MELK: variants seen among roughly 807,000 people sequenced by gnomAD.
The protein encoded by MELK is pEg3 kinase.
Under a neutral mutation model 85.0 loss-of-function variants are expected in MELK, and 81 were observed. The observed-to-expected ratio is 0.95, with a 90% CI of 0.80 to 1.15. MELK has a LOEUF of 1.15. Among genes scored for constraint, MELK ranks in the 50% most tolerant of loss-of-function variants. The probability of loss-of-function intolerance (pLI) is 0.00; values close to 1 mark genes in which losing one functional copy is unlikely to be tolerated. For synonymous variants in MELK, 252 were observed against 265.0 expected (o/e 0.95, Z 0.48); for missense variants, 754 against 777.5 (o/e 0.97, Z 0.36).
intron 4 of MELK, among the ~76,000 whole-genome samples, chr9:36,592,039 TG>T (rs1467854472): frequency 1.3e-5 from 2 of 152,138 alleles, no homozygotes; most frequent in Non-Finnish European, 2.9e-5. Flanking sequence ...TTAATAGAAA[TG>T]GGGGTCTTGG....
intron 10 of MELK, 72 bp downstream of exon 10, chr9:36,633,272 A>G (rs2136571290): frequency 2.0e-6 from 2 of 1,016,500 alleles, no homozygotes; most frequent in Non-Finnish European, 3.0e-6. Context: ...AGAACCTACA[A>G]TGATGTGGTC....
At chr9:36,635,211 T>G (rs185291397) in intron 10 of MELK, among the ~76,000 whole-genome samples, 3 of 152,208 alleles carry the variant, frequency 2.0e-5, no homozygotes, top group Non-Finnish European at 4.4e-5. Flanking sequence ...TAGTACAGTT[T>G]GGTGCCACTG....
At position 36,601,027 on chromosome 9, in the gene MELK, T is replaced by A. The variant is rs570054746; in HGVS notation, c.567+1541T>A. ...CTCTATGTTTATATATATGCATGTTTTTTTTTGAATCATTTGAGAGTTAGC... is the reference window on the plus strand; with the variant it reads ...CTCTATGTTTATATATATGCATGTTATTTTTTGAATCATTTGAGAGTTAGC... On this transcript the variant is annotated intron_variant, in intron 7 of 17. Transcript: ENST00000298048. Among the ~76,000 whole-genome samples the A allele has an allele frequency of 6.0e-4, 91 of 152,306 alleles. 1 individual carries two copies. The highest frequency in any genetic ancestry group is 2.0e-3 in the African/African-American group (85 of 41,590).
At position 36,665,428 on chromosome 9, in the gene MELK, A is replaced by C; in HGVS notation, c.1255A>C (p.Lys419Gln). The C allele has an allele frequency of 6.2e-7, 1 of 1,613,678 alleles. No homozygotes were observed. The highest frequency in any genetic ancestry group is 8.5e-7 in the Non-Finnish European group (1 of 1,179,672). The change falls in exon 14 of 18, where the codon AAA becomes CAA. Residue 419 changes from lysine to glutamine, a missense_variant. Lys to Gln is a moderately conservative substitution (Grantham distance 53). Transcript: ENST00000298048. ...TPALCRTPAN[K>Q]LKNKENVYTP... ...AGCCTTATGCAGAACACCTGCAAATAAATTAAAGAACAAAGAAAATGTATA... is the reference window on the plus strand; with the variant it reads ...AGCCTTATGCAGAACACCTGCAAATCAATTAAAGAACAAAGAAAATGTATA...
chr9:36,663,073 C>T, intron 13 of MELK, among the ~76,000 whole-genome samples: 2 of 150,198 alleles, frequency 1.3e-5, no homozygotes, highest in Non-Finnish European at 1.5e-5. Flanking sequence ...TCTCCTTTTC[C>T]TTGTTTCTTT....
At chr9:36,574,572 C>T (rs1184173109) in intron 1 of MELK, among the ~76,000 whole-genome samples, 1 of 151,920 alleles carries the variant, frequency 6.6e-6, no homozygotes, top group African/African-American at 2.4e-5. Context: ...TACTGCACTC[C>T]AGCCTAGGTG....
At chr9:36,590,508 G>A (rs924721790) in intron 4 of MELK, among the ~76,000 whole-genome samples, 21 of 152,140 alleles carry the variant, frequency 1.4e-4, no homozygotes, top group African/African-American at 5.1e-4. Context: ...TCCTCTCTGT[G>A]TAGCTGTGTC....
At chr9:36,656,945 CATAA>C in intron 12 of MELK, among the ~76,000 whole-genome samples, 1 of 152,210 alleles carries the variant, frequency 6.6e-6, no homozygotes, top group Admixed American at 6.5e-5. Context: ...TGTTTAGATA[CATAA>C]ATACTTATTG....
At chr9:36,606,950 A>G (rs1825624092) in intron 7 of MELK, 1 of 151,894 alleles carries the variant, frequency 6.6e-6, no homozygotes, top group Non-Finnish European at 1.5e-5. Flanking sequence ...ATGCCCGGCT[A>G]ATTTTTGTAG....
chr9:36,659,115 T>A (rs527721266), intron 13 of MELK, among the ~76,000 whole-genome samples: 1 of 152,206 alleles, frequency 6.6e-6, no homozygotes, highest in East Asian at 1.9e-4. Context: ...TCTCCTGACC[T>A]TGTGATCCGC....
At chr9:36,662,347 G>GCC (rs1389018277) in intron 13 of MELK, among the ~76,000 whole-genome samples, 45 of 151,174 alleles carry the variant, frequency 3.0e-4, no homozygotes, top group African/African-American at 1.0e-3. Flanking sequence ...GGGTTCAAGT[G>GCC]ATTCTCCTGC....
chr9:36,651,284 C>T (rs144576392), intron 11 of MELK, among the ~76,000 whole-genome samples: 23 of 152,262 alleles, frequency 1.5e-4, no homozygotes, highest in African/African-American at 5.3e-4. Context: ...TGAACATTAT[C>T]CCTACTTAGT....
intron 4 of MELK, among the ~76,000 whole-genome samples, chr9:36,591,825 A>C (rs956658435): frequency 2.6e-5 from 4 of 151,904 alleles, no homozygotes; most frequent in African/African-American, 9.7e-5. Flanking sequence ...AGTCCCAGCT[A>C]CTTGGGAGGC....
chr9:36,593,669 TTTG>T (rs146859631), intron 4 of MELK, among the ~76,000 whole-genome samples: 9 of 152,094 alleles, frequency 5.9e-5, no homozygotes, highest in East Asian at 1.9e-4. Flanking sequence ...AGGTACGTTT[TTTG>T]TTGTTGTTGT....
chr9:36,663,748 T>C (rs1367442266), intron 13 of MELK, among the ~76,000 whole-genome samples: 1 of 150,854 alleles, frequency 6.6e-6, no homozygotes, highest in Non-Finnish European at 1.5e-5. Flanking sequence ...TCTGTGTGTC[T>C]GTCTGTCTAT....
chr9:36,667,960 G>A (rs1303143547), intron 14 of MELK, among the ~76,000 whole-genome samples: 1 of 152,008 alleles, frequency 6.6e-6, no homozygotes, highest in Non-Finnish European at 1.5e-5. Flanking sequence ...GTAGAGATGG[G>A]GTTTCAACAT....
chr9:36,623,048 C>G (rs1294062143), intron 8 of MELK, among the ~76,000 whole-genome samples: 1 of 152,222 alleles, frequency 6.6e-6, no homozygotes, highest in Admixed American at 6.5e-5. Context: ...AACATTAACA[C>G]TATTGGCATT....
chr9:36,642,852 T>C lies in MELK; in HGVS notation c.835-145T>C, dbSNP rs185592065. The C allele has an allele frequency of 1.7e-4, 106 of 628,016 alleles. No homozygotes were observed. In the East Asian group the frequency reaches 2.3e-3, roughly 14 times the overall value. The allele number at this position is 628,016 out of a possible 1,614,324, so 38.9% of individuals were successfully genotyped here. A position where few individuals can be genotyped will look rare whatever the true frequency, so the allele number is the denominator to read the frequency against. On this transcript the variant is annotated intron_variant, in intron 10 of 17. Transcript: ENST00000298048. ...ACTTCTTAAAAGATTATAGAGAATA[T>C]TGATTCTTCCCCAAGAAATTGACAG...
intron 12 of MELK, 70 bp from the exon 13 acceptor site, chr9:36,657,171 G>T: frequency 6.7e-7 from 1 of 1,491,144 alleles, no homozygotes; most frequent in Non-Finnish European, 9.1e-7. Context: ...GTTAAGTGAC[G>T]CGTGACTGTA....
Sources: gnomAD v4.1 joint callset for allele counts (sites outside exome capture counted in the v4.1 genomes callset) on GRCh38, gnomAD v4.1.1 for gene constraint, MANE v1.5 for transcripts, NCBI Gene and HGNC (gene_info 2026-07-23, HGNC 2026-07-21) for gene names.